The following HMGN2 variants were observed in gnomAD, a reference collection of about 807,000 sequenced individuals.
HMGN2 encodes the protein high mobility group nucleosomal binding domain 2.
Under a neutral mutation model 16.9 loss-of-function variants are expected in HMGN2, and 2 were observed. That is an observed-to-expected ratio of 0.12 (90% confidence interval 0.05 to 0.37). The LOEUF (loss-of-function observed/expected upper bound fraction) is 0.37, where lower values mean the gene tolerates loss of function less well. Ranked by LOEUF, HMGN2 falls within the 10% of genes least tolerant of loss-of-function variation. The pLI, the probability that HMGN2 is intolerant of heterozygous loss-of-function variation, is 1.00. For missense variants in HMGN2, 90 were observed against 106.0 expected (o/e 0.85, Z 0.66); for synonymous variants, 31 against 34.9 (o/e 0.89, Z 0.39).
At chr1:26,474,241 G>A in intron 4 of HMGN2, 106 bp downstream of exon 4, 2 of 795,354 alleles carry the variant, frequency 2.5e-6, no homozygotes, top group South Asian at 3.5e-5. Flanking sequence ...GTTATAAACT[G>A]TGTGGATAGC....
Position 26,473,546 on chromosome 1 carries a change from A to G in HMGN2, c.60+19A>G, listed in dbSNP as rs2075589731. 4 of 1,607,092 alleles carry G rather than the reference A, an allele frequency of 2.5e-6. No homozygotes were observed. The South Asian group carries it at 3.3e-5, about 13-fold the overall frequency. On this transcript the variant is annotated intron_variant, in intron 2 of 5. Transcript: ENST00000361427. ...GGACGAAGTAAGTCATTCTCTCTTC[A>G]AGGGTCAAAGCCTTGGACTAGCAGA...
intron 3 of HMGN2, 110 bp downstream of exon 3, chr1:26,473,842 G>T (rs1438140291): frequency 2.8e-5 from 32 of 1,146,846 alleles, no homozygotes; most frequent in African/African-American, 3.1e-5. Flanking sequence ...TTGAATCATT[G>T]CCTCTACTTG....
intron 4 of HMGN2, 66 bp from the exon 5 acceptor site, chr1:26,474,506 C>T (rs2075595531): frequency 1.3e-6 from 1 of 787,952 alleles, no homozygotes; most frequent in Non-Finnish European, 2.2e-6. Context: ...TTGTGCAGAA[C>T]TTTGCAGACC....
Position 26,476,468 on chromosome 1 carries a change from CT to C in HMGN2, c.*1323del, listed in dbSNP as rs1284805391. Among the ~76,000 whole-genome samples, 2 of 152,184 alleles carry C rather than the reference CT, an allele frequency of 1.3e-5. No homozygotes were observed. The highest frequency in any genetic ancestry group is 1.5e-5 in the Non-Finnish European group (1 of 68,038). ...GACCTGCAAACAAAGACAATGGGGT[CT>C]TTCCTGATTCCTTTAGTTTGGAGAT... On this transcript the variant is annotated 3_prime_UTR_variant, in exon 6 of 6. Coordinates refer to ENST00000361427, the MANE Select transcript of HMGN2 (RefSeq NM_005517.4).
rs1244454444 is a variant in HMGN2 at position 26,474,132 on chromosome 1, A to G, written c.138A>G (p.Ala46=). The G allele has an allele frequency of 6.2e-7, 1 of 1,607,142 alleles. No homozygotes were observed. The highest frequency in any genetic ancestry group is 8.5e-7 in the Non-Finnish European group (1 of 1,177,226). Residue 46 remains alanine, a synonymous_variant, in exon 4 of 6, where the codon GCA becomes GCG. Transcript: ENST00000361427. ...KPEPKPKKAP[A]KKGEKVPKGK... is the part of the protein sequence containing the mutation. ...AGCCCAAGCCTAAAAAGGCCCCTGC[A>G]AAGGTAAGTGCTAACATTGGAACTG...
rs2075596018 is a variant in HMGN2 at position 26,474,594 on chromosome 1, G to T, written c.164G>T (p.Gly55Val). 1 of 1,578,800 alleles carries T rather than the reference G, an allele frequency of 6.3e-7. No homozygotes were observed. The highest frequency in any genetic ancestry group is 1.1e-5 in the South Asian group (1 of 89,636). The change falls in exon 5 of 6, where the codon GGG becomes GTG. Residue 55 changes from glycine to valine, a missense_variant. Gly to Val is a moderately radical substitution (Grantham distance 109). Transcript: ENST00000361427. ...CAGAAGGGAGAGAAGGTACCCAAAG[G>T]GAAAAAGGGAAAAGCTGATGCTGGC... is the stretch of plus-strand genomic sequence containing the variant. Reference protein sequence around the residue: ...PAKKGEKVPKGKKGKADAGKE... With the variant: ...PAKKGEKVPKVKKGKADAGKE...
intron 1 of HMGN2, 161 bp from the exon 2 acceptor site, chr1:26,473,322 T>TTAAAAA: frequency 2.3e-5 from 14 of 605,426 alleles, no homozygotes; most frequent in Admixed American, 5.9e-5. Flanking sequence ...CCGGAGCTCC[T>TTAAAAA]GCGCGCGCTT....
intron 4 of HMGN2, 49 bp downstream of exon 4, chr1:26,474,184 C>CTTAA (rs775675458): frequency 8.8e-6 from 12 of 1,369,438 alleles, no homozygotes; most frequent in Non-Finnish European, 1.2e-5. Flanking sequence ...GAGGACTGTC[C>CTTAA]TTAGTGCCTT....
intron 5 of HMGN2, 33 bp downstream of exon 5, chr1:26,474,700 GTTCA>G: frequency 9.9e-7 from 1 of 1,014,072 alleles, no homozygotes; most frequent in Non-Finnish European, 1.6e-6. Flanking sequence ...TGTTAGATTT[GTTCA>G]TTCAGTTAGT....
intron 1 of HMGN2, 115 bp downstream of exon 1, chr1:26,472,742 G>A: frequency 3.2e-6 from 3 of 945,520 alleles, no homozygotes; most frequent in Non-Finnish European, 4.5e-6. Context: ...CAGCCTCCCC[G>A]CGCGGGGGCT....
In HMGN2 at chr1:26,472,538, C is replaced by G. The variant is rs1260258752; in HGVS notation, c.-75C>G. 5 of 1,525,672 alleles carry G rather than the reference C, an allele frequency of 3.3e-6. No individual in the cohort carries two copies. Among genetic ancestry groups the G allele is most frequent in the Non-Finnish European group, 4.4e-6 (5 of 1,140,042 alleles). The allele number at this position is 1,525,672 out of a possible 1,614,324, so 94.5% of individuals were successfully genotyped here. On this transcript the variant is annotated 5_prime_UTR_variant, in exon 1 of 6. Coordinates refer to ENST00000361427, the MANE Select transcript of HMGN2 (RefSeq NM_005517.4). ...GTGAAGAAGAGGCGAGAACGACCCC[C>G]GGACCGACCAAAGCCCGCGCGCCGC...
At position 26,476,226 on chromosome 1, in the gene HMGN2, G is replaced by C. The variant is rs1477102413; in HGVS notation, c.*1078G>C. Among the ~76,000 whole-genome samples the C allele has an allele frequency of 1.3e-5, 2 of 152,142 alleles. No individual in the cohort carries two copies. Among genetic ancestry groups the C allele is most frequent in the Non-Finnish European group, 1.5e-5 (1 of 68,024 alleles). ...TTATGCAGCATTCCCTGCAGTGTTT[G>C]TTTTTTGCATGACTCCGAATACATG... On this transcript the variant is annotated 3_prime_UTR_variant, in exon 6 of 6. Transcript: ENST00000361427.
rs1430588958 is a variant in HMGN2, at chr1:26,475,450, G to A, written c.*302G>A. 9.3e-6 allele frequency: 3 copies of A among 322,734 alleles called. No homozygotes were observed. The highest frequency in any genetic ancestry group is 2.2e-5 in the African/African-American group (1 of 45,990). 20.0% of individuals were successfully genotyped at this position (322,734 alleles called of 1,614,324 possible). On this transcript the variant is annotated 3_prime_UTR_variant, in exon 6 of 6. Transcript: ENST00000361427. ...GACTTTGACACACATGGCCACCTTGGCACAAAAGCCTTGTGGTATAGAAAA... is the reference window on the plus strand; with the variant it reads ...GACTTTGACACACATGGCCACCTTGACACAAAAGCCTTGTGGTATAGAAAA...
chr1:26,474,746 T>G (rs1361824117), intron 5 of HMGN2, 79 bp downstream of exon 5: 8 of 733,652 alleles, frequency 1.1e-5, no homozygotes, highest in Non-Finnish European at 2.0e-5. Context: ...TGCCCTTTTC[T>G]TGTATCACTC....
chr1:26,476,090 T>C lies in HMGN2; in HGVS notation c.*942T>C, dbSNP rs2075606576. The C allele has an allele frequency of 6.2e-6, 1 of 162,078 alleles. No homozygotes were observed. The highest frequency in any genetic ancestry group is 2.4e-5 in the African/African-American group (1 of 41,526). 10.0% of individuals were successfully genotyped at this position (162,078 alleles called of 1,614,324 possible). A position where few individuals can be genotyped will look rare whatever the true frequency, so the allele number is the denominator to read the frequency against. ...CAGTCTAATGATGATCTTTCACTGA[T>C]TTATAGTCAGCTTCCAAAACACACA... On this transcript the variant is annotated 3_prime_UTR_variant, in exon 6 of 6. Transcript: ENST00000361427.
chr1:26,473,896 G>A (rs890072077), intron 3 of HMGN2, 164 bp downstream of exon 3: 4 of 805,182 alleles, frequency 5.0e-6, no homozygotes, highest in Non-Finnish European at 8.1e-6. Context: ...AAATTCTGAT[G>A]CCTGTAGCCA....
rs761516829 is a variant in HMGN2, at chr1:26,472,655, G to C, written c.15+28G>C. 2.2e-4 allele frequency: 331 copies of C among 1,522,212 alleles called. 1 individual carries two copies. In the African/African-American group the frequency reaches 4.2e-3, roughly 19 times the overall value. The allele number at this position is 1,522,212 out of a possible 1,614,324, so 94.3% of individuals were successfully genotyped here. ...ACGTGGCGCGAGGGCCCCAGGCGCC[G>C]GGCCACCACTGCCGCCACCGCCGCC... On this transcript the variant is annotated intron_variant, in intron 1 of 5. Transcript: ENST00000361427.
chr1:26,474,322 C>T (rs1439999902), intron 4 of HMGN2, among the ~76,000 whole-genome samples, 187 bp downstream of exon 4: 1 of 152,194 alleles, frequency 6.6e-6, no homozygotes, highest in East Asian at 1.9e-4. Flanking sequence ...ATAGGAAAAT[C>T]TGCATTTAAA....
intron 1 of HMGN2, 86 bp downstream of exon 1, chr1:26,472,713 C>G: frequency 7.8e-7 from 1 of 1,275,998 alleles, no homozygotes; most frequent in Non-Finnish European, 1.1e-6. Context: ...CGAGAATCGG[C>G]GCCGAGCAGG....
Sources: allele counts gnomAD v4.1 joint callset (sites outside exome capture counted in the v4.1 genomes callset), GRCh38; gene constraint gnomAD v4.1.1; transcripts MANE v1.5; gene names NCBI Gene and HGNC (gene_info 2026-07-23, HGNC 2026-07-21).